The following SGIP1 variants were observed in gnomAD, a reference collection of about 807,000 sequenced individuals.
The protein encoded by SGIP1 is SH3-containing GRB2-like protein 3-interacting protein 1.
In SGIP1, 38 loss-of-function variants were observed where a neutral mutation model predicts 107.5. The observed-to-expected ratio is 0.35, with a 90% confidence interval of 0.27 to 0.46. The LOEUF is 0.46. SGIP1 is among the 20% of genes least tolerant of loss of function. The pLI is 1.00. For missense variants in SGIP1, 929 were observed against 1,019.5 expected, an observed-to-expected ratio of 0.91 and a Z score of 1.21; for synonymous variants, 365 against 366.1, an observed-to-expected ratio of 1.00 and a Z score of 0.03.
intron 18 of SGIP1, among the ~76,000 whole-genome samples, chr1:66,709,330 C>T (rs1274801790): frequency 6.6e-6 from 1 of 152,046 alleles, no homozygotes; most frequent in African/African-American, 2.4e-5. Flanking sequence ...GCAAGGATAA[C>T]TCACCCAGTG....
chr1:66,588,390 T>A (rs2062982769), intron 1 of SGIP1, among the ~76,000 whole-genome samples: 1 of 151,496 alleles, frequency 6.6e-6, no homozygotes, highest in Non-Finnish European at 1.5e-5. Context: ...CAAAAAAATA[T>A]TAGAACTTCC....
intron 1 of SGIP1, among the ~76,000 whole-genome samples, chr1:66,543,870 A>G (rs1348151302): frequency 1.3e-5 from 2 of 152,162 alleles, no homozygotes; most frequent in Non-Finnish European, 2.9e-5. Flanking sequence ...TACATCTGAG[A>G]GAGTGTGGTG....
intron 4 of SGIP1, among the ~76,000 whole-genome samples, chr1:66,637,809 G>A (rs1215244565): frequency 6.7e-6 from 1 of 149,146 alleles, no homozygotes; most frequent in Non-Finnish European, 1.5e-5. Context: ...GTATGTATGT[G>A]TGTATGTATA....
intron 1 of SGIP1, among the ~76,000 whole-genome samples, chr1:66,568,823 C>A (rs141924159): frequency 0.015 from 2,320 of 152,006 alleles, 52 homozygotes; most frequent in African/African-American, 0.053. Context: ...AACATCCCTT[C>A]ATGTTAATAA....
At position 66,630,845 on chromosome 1, in the gene SGIP1, A is replaced by AGAGAG. The variant is rs1558133108; in HGVS notation, c.75-2225_75-2224insGAGAG. Among the ~76,000 whole-genome samples, 39 of 25,216 alleles carry AGAGAG rather than the reference A, an allele frequency of 1.5e-3. 5 individuals are homozygous for AGAGAG. Among genetic ancestry groups the AGAGAG allele is most frequent in the South Asian group, 7.6e-3 (2 of 262 alleles). The allele number at this position is 25,216 out of a possible 152,430, so 16.5% of individuals were successfully genotyped here. On this transcript the variant is annotated intron_variant, in intron 2 of 24. Transcript: ENST00000371037. ...AAAGAAAGAAAGAAAGAAAGAAAGAAAGAAAGAAAGAAAGAAAGAAAGAAA... is the reference window on the plus strand; with the variant it reads ...AAAGAAAGAAAGAAAGAAAGAAAGAAGAGAGAGAAAGAAAGAAAGAAAGAAAGAAA...
At chr1:66,651,105 T>G (rs928414520) in intron 7 of SGIP1, among the ~76,000 whole-genome samples, 1 of 152,198 alleles carries the variant, frequency 6.6e-6, no homozygotes, top group Admixed American at 6.5e-5. Flanking sequence ...AGTAAATTTA[T>G]GTAAGGTCTA....
At chr1:66,575,367 A>C (rs1261059052) in intron 1 of SGIP1, among the ~76,000 whole-genome samples, 1 of 152,060 alleles carries the variant, frequency 6.6e-6, no homozygotes, top group African/African-American at 2.4e-5. Context: ...TCACTCTTAA[A>C]TTTACTTGGC....
chr1:66,595,634 C>A (rs190830438), intron 1 of SGIP1, among the ~76,000 whole-genome samples: 3 of 152,266 alleles, frequency 2.0e-5, no homozygotes, highest in South Asian at 2.1e-4. Flanking sequence ...GTGCTTTTAA[C>A]ATTTCCATTT....
intron 1 of SGIP1, among the ~76,000 whole-genome samples, chr1:66,616,980 C>G (rs1298407280): frequency 6.6e-6 from 1 of 152,014 alleles, no homozygotes; most frequent in East Asian, 1.9e-4. Flanking sequence ...AAGATTTCTC[C>G]CAAAAGGTTC....
chr1:66,737,181 A>G (rs1205342297), intron 21 of SGIP1, among the ~76,000 whole-genome samples: 5 of 152,198 alleles, frequency 3.3e-5, no homozygotes, highest in African/African-American at 1.2e-4. Flanking sequence ...GTTAACTTTC[A>G]TGTATGGTTT....
At chr1:66,703,523 GCACA>G (rs138975824) in intron 18 of SGIP1, among the ~76,000 whole-genome samples, 16 of 146,714 alleles carry the variant, frequency 1.1e-4, no homozygotes, top group Non-Finnish European at 2.3e-4. Context: ...ACATACATAT[GCACA>G]CACACACACA....
intron 1 of SGIP1, among the ~76,000 whole-genome samples, chr1:66,577,670 G>A (rs949938311): frequency 1.3e-5 from 2 of 151,964 alleles, no homozygotes; most frequent in Admixed American, 6.6e-5. Flanking sequence ...GTAAAATGGG[G>A]CTTTGAACAT....
intron 1 of SGIP1, among the ~76,000 whole-genome samples, chr1:66,564,976 T>A (rs2059447021): frequency 6.6e-6 from 1 of 151,968 alleles, no homozygotes; most frequent in Admixed American, 6.6e-5. Context: ...TCAGTCCTCA[T>A]TTTCCAAATG....
At chr1:66,729,147 C>T (rs1272402533) in intron 19 of SGIP1, 117 bp from the exon 20 acceptor site, 4 of 1,163,252 alleles carry the variant, frequency 3.4e-6, no homozygotes, top group African/African-American at 1.5e-5. Context: ...TAAGAGCCTG[C>T]CTTTTATCTC....
chr1:66,718,181 A>G (rs1279512894), intron 18 of SGIP1, among the ~76,000 whole-genome samples: 1 of 152,152 alleles, frequency 6.6e-6, no homozygotes, highest in East Asian at 1.9e-4. Flanking sequence ...TATTGAAGGC[A>G]AAAGAAAACA....
intron 1 of SGIP1, among the ~76,000 whole-genome samples, chr1:66,538,466 A>G (rs2054132225): frequency 6.6e-6 from 1 of 152,176 alleles, no homozygotes; most frequent in African/African-American, 2.4e-5. Flanking sequence ...GTCAGGGGTC[A>G]TCTTTATACT....
intron 1 of SGIP1, among the ~76,000 whole-genome samples, chr1:66,569,199 A>G (rs543715428): frequency 2.0e-5 from 3 of 152,022 alleles, no homozygotes; most frequent in South Asian, 2.1e-4. Context: ...TTCCTTTTCA[A>G]TGTGTATCTC....
intron 2 of SGIP1, among the ~76,000 whole-genome samples, chr1:66,630,833 A>AAG (rs1207567614): frequency 8.8e-5 from 1 of 11,306 alleles, no homozygotes; most frequent in African/African-American, 3.9e-4. Context: ...GAAAGAAAGA[A>AAG]AGAAAGAAAG....
chr1:66,680,991 G>A (rs1007382541), intron 14 of SGIP1, among the ~76,000 whole-genome samples: 1 of 152,180 alleles, frequency 6.6e-6, no homozygotes, highest in Non-Finnish European at 1.5e-5. Flanking sequence ...AAAAAGAATA[G>A]CTTATGCTAA....
Sources: allele counts gnomAD v4.1 joint callset (sites outside exome capture counted in the v4.1 genomes callset), GRCh38; gene constraint gnomAD v4.1.1; transcripts MANE v1.5; gene names NCBI Gene and HGNC (gene_info 2026-07-23, HGNC 2026-07-21).